The following POPDC3 variants were observed in gnomAD, a reference collection of about 807,000 sequenced individuals.
POPDC3 encodes the protein popeye domain cAMP effector 3.
POPDC3 carries 20 observed loss-of-function variants against 28.2 expected under a neutral mutation model. The observed-to-expected ratio is 0.71, with a 90% CI of 0.50 to 1.03. The LOEUF (loss-of-function observed/expected upper bound fraction) is 1.03, where lower values mean the gene tolerates loss of function less well. Among genes scored for constraint, POPDC3 ranks in the 50% least tolerant of loss-of-function variants. The pLI is 0.00. For missense variants in POPDC3, 316 were observed against 345.9 expected, an observed-to-expected ratio of 0.91 and a Z score of 0.69; for synonymous variants, 118 against 124.1, an observed-to-expected ratio of 0.95 and a Z score of 0.33.
chr6:105,163,386 A>G (rs1232837953), intron 1 of POPDC3, among the ~76,000 whole-genome samples: 1 of 152,198 alleles, frequency 6.6e-6, no homozygotes, highest in East Asian at 1.9e-4. Context: ...ATTAGCCATG[A>G]TGACAGAGCT....
At chr6:105,173,176 TGGTG>T (rs1163846631) in intron 1 of POPDC3, among the ~76,000 whole-genome samples, 1 of 152,210 alleles carries the variant, frequency 6.6e-6, no homozygotes. Flanking sequence ...CTCCACTAGT[TGGTG>T]GGTTTCCATG....
intron 1 of POPDC3, chr6:105,166,625 T>A (rs773099941): frequency 2.1e-6 from 1 of 471,068 alleles, no homozygotes; most frequent in Admixed American, 2.3e-5. Flanking sequence ...TTCCGTACAC[T>A]CATCAGTCCA....
At chr6:105,158,957 C>T in intron 3 of POPDC3, 1 of 419,030 alleles carries the variant, frequency 2.4e-6, no homozygotes, top group Non-Finnish European at 4.2e-6. Flanking sequence ...TCACAATGTT[C>T]TAGCCATCTT....
At position 105,161,627 on chromosome 6, in the gene POPDC3, T is replaced by A. The variant is rs1201815149; in HGVS notation, c.283A>T (p.Ile95Phe). The A allele has an allele frequency of 6.2e-7, 1 of 1,614,142 alleles. No homozygotes were observed. The highest frequency in any genetic ancestry group is 8.5e-7 in the Non-Finnish European group (1 of 1,180,042). ...FVICFMQFVH[I>F]AYQVRSITFA... is the part of the protein sequence containing the mutation. Reference sequence around the variant, plus strand: ...GTTATGCTGCGAACTTGATATGCAATATGAACAAATTGCATGAAGCAGATG... The same window carrying A: ...GTTATGCTGCGAACTTGATATGCAAAATGAACAAATTGCATGAAGCAGATG... Residue 95 changes from isoleucine to phenylalanine, a missense_variant, in exon 2 of 4, where the codon ATT becomes TTT. Ile to Phe is a conservative substitution (Grantham distance 21). Coordinates refer to ENST00000254765, the MANE Select transcript of POPDC3 (RefSeq NM_022361.5).
At chr6:105,158,971 T>C in intron 3 of POPDC3, 1 of 389,568 alleles carries the variant, frequency 2.6e-6, no homozygotes, top group South Asian at 9.4e-5. Context: ...CCATCTTCAA[T>C]CTGTCTGTTT....
intron 1 of POPDC3, among the ~76,000 whole-genome samples, chr6:105,174,744 T>A (rs1774651235): frequency 6.6e-6 from 1 of 152,192 alleles, no homozygotes; most frequent in African/African-American, 2.4e-5. Context: ...GAGCCCTTCT[T>A]GGAAACAAAC....
At chr6:105,173,421 A>G (rs571623587) in intron 1 of POPDC3, among the ~76,000 whole-genome samples, 2 of 152,294 alleles carry the variant, frequency 1.3e-5, no homozygotes, top group South Asian at 4.2e-4. Flanking sequence ...CTTGAATTCT[A>G]ACACCACCCC....
intron 1 of POPDC3, among the ~76,000 whole-genome samples, chr6:105,164,737 A>C (rs959237845): frequency 6.6e-6 from 1 of 152,222 alleles, no homozygotes; most frequent in African/African-American, 2.4e-5. Flanking sequence ...GGCACAATGG[A>C]TTTCTTTCCT....
At position 105,159,881 on chromosome 6, in the gene POPDC3, G is replaced by C. The variant is rs574922204; in HGVS notation, c.486-62C>G. ...AGAAAGAGAGCACATAATTGGGGAG[G>C]GGTGGGGGGTAGAGGAAGTGTATTT... On this transcript the variant is annotated intron_variant, in intron 2 of 3. Coordinates refer to ENST00000254765, the MANE Select transcript of POPDC3 (RefSeq NM_022361.5). 1.9e-5 allele frequency: 22 copies of C among 1,137,264 alleles called. No individual in the cohort carries two copies. In the African/African-American group the frequency reaches 2.6e-4, roughly 13 times the overall value. 70.4% of individuals were successfully genotyped at this position (1,137,264 alleles called of 1,614,324 possible). A position where few individuals can be genotyped will look rare whatever the true frequency, so the allele number is the denominator to read the frequency against.
chr6:105,174,016 C>T (rs993128644), intron 1 of POPDC3, among the ~76,000 whole-genome samples: 2 of 152,088 alleles, frequency 1.3e-5, no homozygotes, highest in African/African-American at 2.4e-5. Flanking sequence ...TTTAGGACTC[C>T]GGGCAGAAAA....
intron 1 of POPDC3, among the ~76,000 whole-genome samples, chr6:105,178,522 A>G (rs1055414652): frequency 3.9e-5 from 6 of 151,902 alleles, no homozygotes; most frequent in Non-Finnish European, 7.4e-5. Flanking sequence ...GACAGAGAAT[A>G]TCTTAGATTT....
chr6:105,164,345 A>G (rs11962089), intron 1 of POPDC3, among the ~76,000 whole-genome samples: 24,608 of 152,192 alleles, frequency 0.16, 2,783 homozygotes, highest in African/African-American at 0.33. Flanking sequence ...GGGCTTCTGC[A>G]TTCCAGGGTC....
chr6:105,174,982 C>T (rs1439709778), intron 1 of POPDC3, among the ~76,000 whole-genome samples: 2 of 151,338 alleles, frequency 1.3e-5, no homozygotes, highest in Non-Finnish European at 2.9e-5. Context: ...GCCTGAGCAA[C>T]ATGGTGAAAC....
chr6:105,158,560 T>C lies in POPDC3; in HGVS notation c.786A>G (p.Leu262=). The C allele has an allele frequency of 1.2e-6, 2 of 1,614,126 alleles. No homozygotes were observed. The highest frequency in any genetic ancestry group is 8.5e-7 in the Non-Finnish European group (1 of 1,179,964). The change falls in exon 4 of 4, where the codon CTA becomes CTG. Residue 262 remains leucine, a synonymous_variant. Transcript: ENST00000254765. ...GAGTTGACATTTGATAGAAGTTGGG[T>C]AGCCGAATATCATAGTGATATCTTT... The part of the protein sequence containing the change: ...IGKRYHYDIR[L]PNFYQMSTPE...
chr6:105,169,434 C>T (rs962235917), intron 1 of POPDC3: 4 of 152,164 alleles, frequency 2.6e-5, no homozygotes, highest in African/African-American at 9.7e-5. Context: ...TGGGCAACTT[C>T]CAGAATAGTT....
rs1202342259 is a variant in POPDC3, at chr6:105,161,490, C to T, written c.420G>A (p.Lys140=). The change falls in exon 2 of 4, where the codon AAG becomes AAA. Residue 140 remains lysine, a synonymous_variant. Coordinates refer to ENST00000254765, the MANE Select transcript of POPDC3 (RefSeq NM_022361.5). ...ALSSEVVTLE[K]EHCYAMQGKT... is the part of the protein sequence containing the mutation. The stretch of plus-strand genomic sequence containing the variant: ...TCCCCTGCATGGCATAACAGTGTTC[C>T]TTTTCCAAAGTAACCACTTCAGAGC... The T allele has an allele frequency of 6.2e-7, 1 of 1,613,992 alleles. No individual in the cohort carries two copies. Among genetic ancestry groups the T allele is most frequent in the Non-Finnish European group, 8.5e-7 (1 of 1,180,018 alleles).
chr6:105,178,469 T>A (rs1354814114), intron 1 of POPDC3, among the ~76,000 whole-genome samples: 1 of 152,032 alleles, frequency 6.6e-6, no homozygotes, highest in African/African-American at 2.4e-5. Flanking sequence ...TTAAAGAAAC[T>A]CAACTATCAA....
At position 105,159,753 on chromosome 6, in the gene POPDC3, A is replaced by G; in HGVS notation, c.552T>C (p.Pro184=). Residue 184 remains proline, a synonymous_variant, in exon 3 of 4, where the codon CCT becomes CCC. Transcript: ENST00000254765. ...YIFPLQFLDS[P]EWDSLRPTEE... ...CTGTGGGTCTCAGTGAATCCCACTC[A>G]GGAGAATCCAGGAACTGAAGGGGGA... 28 of 1,613,742 alleles carry G rather than the reference A, an allele frequency of 1.7e-5. No homozygotes were observed. The highest frequency in any genetic ancestry group is 2.2e-5 in the Non-Finnish European group (26 of 1,179,752).
At position 105,158,453 on chromosome 6, in the gene POPDC3, A is replaced by T; in HGVS notation, c.*17T>A. On this transcript the variant is annotated 3_prime_UTR_variant, in exon 4 of 4. Coordinates refer to ENST00000254765, the MANE Select transcript of POPDC3 (RefSeq NM_022361.5). Reference sequence around the variant, plus strand: ...GAGAGAGTCTTTTTTTATACTTATAAATTTCAGACTTTGATGTCATTTATC... The same window carrying T: ...GAGAGAGTCTTTTTTTATACTTATATATTTCAGACTTTGATGTCATTTATC... The T allele has an allele frequency of 6.3e-7, 1 of 1,576,510 alleles. No individual in the cohort carries two copies. Among genetic ancestry groups the T allele is most frequent in the Non-Finnish European group, 8.6e-7 (1 of 1,160,592 alleles).
Sources: allele counts gnomAD v4.1 joint callset (sites outside exome capture counted in the v4.1 genomes callset), GRCh38; gene constraint gnomAD v4.1.1; transcripts MANE v1.5; gene names NCBI Gene and HGNC (gene_info 2026-07-23, HGNC 2026-07-21).